The following CCDC33 variants were observed in gnomAD, a reference collection of about 807,000 sequenced individuals.
CCDC33 encodes coiled-coil domain containing 33.
Under a neutral mutation model 91.9 loss-of-function variants are expected in CCDC33, and 94 were observed. The ratio of observed to expected loss-of-function variants is 1.02; its 90% CI spans 0.87 to 1.21. CCDC33 has a LOEUF of 1.21. Ranked by LOEUF, CCDC33 falls within the 50% of genes most tolerant of loss-of-function variation. The pLI is 0.00. For synonymous variants in CCDC33, 396 were observed against 374.5 expected (o/e 1.06, Z -0.66); for missense variants, 940 against 935.5 (o/e 1.00, Z -0.06).
intron 1 of CCDC33, chr15:74,207,915 C>T: frequency 6.8e-7 from 1 of 1,480,024 alleles, no homozygotes; most frequent in Admixed American, 2.1e-5. Context: ...GTGCTCACGG[C>T]AGGAAGAGTA....
intron 1 of CCDC33, among the ~76,000 whole-genome samples, chr15:74,240,080 C>T (rs1381044741): frequency 6.6e-6 from 1 of 152,262 alleles, no homozygotes; most frequent in East Asian, 1.9e-4. Context: ...GGCCCCAAGC[C>T]TCCCTGGCCC....
chr15:74,256,600 C>T (rs1195427505), intron 2 of CCDC33, among the ~76,000 whole-genome samples: 1 of 152,128 alleles, frequency 6.6e-6, no homozygotes, highest in Non-Finnish European at 1.5e-5. Flanking sequence ...AAGAAGGTGG[C>T]TCCCAGGGCC....
chr15:74,270,446 A>AT (rs1329135914), intron 5 of CCDC33, among the ~76,000 whole-genome samples: 1 of 152,130 alleles, frequency 6.6e-6, no homozygotes, highest in Non-Finnish European at 1.5e-5. Flanking sequence ...GACACGGCAG[A>AT]GGGGCTTGTG....
chr15:74,207,662 C>T (rs1165907922), intron 1 of CCDC33: 6 of 1,520,700 alleles, frequency 3.9e-6, no homozygotes, highest in Admixed American at 2.0e-5. Flanking sequence ...GCAAGAGAGG[C>T]GTTCCAGGAG....
chr15:74,236,780 G>T, intron 1 of CCDC33, 40 bp downstream of exon 1: 1 of 1,606,170 alleles, frequency 6.2e-7, no homozygotes, highest in East Asian at 2.2e-5. Flanking sequence ...GCATGAATCC[G>T]TCCCTCCTTC....
At position 74,330,329 on chromosome 15, in the gene CCDC33, C is replaced by T. The variant is rs760046069; in HGVS notation, c.1431C>T (p.Gly477=). Residue 477 remains glycine (G), a synonymous_variant, in exon 12 of 19, where the codon GGC becomes GGT. Coordinates refer to ENST00000398814, the MANE Select transcript of CCDC33 (RefSeq NM_025055.5). ...AGCAGGAGGAGGAAGAGGGGCAGGG[C>T]AAAGCCAGTGAGGCCCAGAACACGG... The part of the protein sequence containing the change: ...LAQQEEEEGQ[G]KASEAQNTVS... The T allele has an allele frequency of 1.5e-4, 246 of 1,606,454 alleles. 1 individual carries two copies. The highest frequency in any genetic ancestry group is 1.3e-4 in the Non-Finnish European group (153 of 1,177,370).
intron 1 of CCDC33, chr15:74,217,639 C>T (rs1032114164): frequency 8.6e-7 from 1 of 1,156,634 alleles, no homozygotes; most frequent in Non-Finnish European, 1.1e-6. Context: ...CTGCCTGAGT[C>T]CCTTTCTGGG....
At chr15:74,275,261 C>T (rs919898055) in intron 7 of CCDC33, among the ~76,000 whole-genome samples, 2 of 152,234 alleles carry the variant, frequency 1.3e-5, no homozygotes, top group Non-Finnish European at 2.9e-5. Flanking sequence ...TGGTAAGCTG[C>T]TCCTTTCTCC....
upstream of CCDC33, among the ~76,000 whole-genome samples, chr15:74,232,992 C>T (rs1023579270): frequency 6.6e-6 from 1 of 152,234 alleles, no homozygotes; most frequent in Non-Finnish European, 1.5e-5. Context: ...CTGTTCCCGG[C>T]TTCCAGGCCC....
chr15:74,333,897 C>T lies in CCDC33; in HGVS notation c.1955C>T (p.Thr652Ile), dbSNP rs376819120. 1 of 1,613,510 alleles carries T rather than the reference C, an allele frequency of 6.2e-7. No individual in the cohort carries two copies. Residue 652 changes from threonine (T) to isoleucine (I), a missense_variant, in exon 17 of 19, where the codon ACT (threonine) becomes ATT (isoleucine). Thr to Ile is a moderately conservative substitution (Grantham distance 89, BLOSUM62 -1). Coordinates refer to ENST00000398814, the MANE Select transcript of CCDC33 (RefSeq NM_025055.5). ...TGCCCACAGGATCTCCTCTCTGGTA[C>T]TTCAGACAAGTTCAACCTCCTGGCC... ...QQALPDLLSG[T>I]SDKFNLLAKL...
chr15:74,274,971 G>A (rs1412635527), intron 7 of CCDC33, among the ~76,000 whole-genome samples: 1 of 152,270 alleles, frequency 6.6e-6, no homozygotes, highest in Admixed American at 6.5e-5. Context: ...GCAGGCTGCT[G>A]TGGTAAGGAG....
intron 11 of CCDC33, 131 bp from the exon 12 acceptor site, chr15:74,330,058 G>A (rs1375120702): frequency 5.7e-6 from 6 of 1,046,376 alleles, no homozygotes; most frequent in Non-Finnish European, 8.2e-6. Context: ...CTAAGACTTA[G>A]GGCCATGGCT....
chr15:74,243,586 A>G, intron 1 of CCDC33: 1 of 454,568 alleles, frequency 2.2e-6, no homozygotes, highest in South Asian at 1.6e-5. Flanking sequence ...AGGGTGACAG[A>G]GGGAGGCAGG....
Position 74,218,908 on chromosome 15 carries a change from C to A in CCDC33, c.675+47C>A. On this transcript the variant is annotated intron_variant, in intron 2 of 2. Transcript: ENST00000635913. This position sits in a 1 kb window ranked among gnomAD's most constrained non-coding sequence, Gnocchi z 4.8. ...GTTCAGGTTCTGGGCTCACCGGGTA[C>A]AAGACCCAGCCTCCGTGATAAGCCA... The A allele has an allele frequency of 8.4e-7, 1 of 1,197,460 alleles. No individual in the cohort carries two copies. The highest frequency in any genetic ancestry group is 5.8e-5 in the East Asian group (1 of 17,228). The allele number at this position is 1,197,460 out of a possible 1,614,324, so 74.2% of individuals were successfully genotyped here.
Position 74,316,467 on chromosome 15 carries a change from C to G in CCDC33, c.1291-13722C>G, listed in dbSNP as rs998004710. 6.6e-6 allele frequency among the ~76,000 whole-genome samples: 1 copy of G among 152,218 alleles called. No individual in the cohort carries two copies. The highest frequency in any genetic ancestry group is 6.5e-5 in the Admixed American group (1 of 15,280). ...GCCCGAGGATGGGAGCAGACTCAAT[C>G]GATTGGCGCACAGCAGGCAGGGGAG... On this transcript the variant is annotated intron_variant, in intron 11 of 18. Coordinates refer to ENST00000398814, the MANE Select transcript of CCDC33 (RefSeq NM_025055.5). The surrounding 1 kb of genome is among the most constrained non-coding windows in gnomAD (Gnocchi z 4.7).
chr15:74,252,995 G>T (rs1285673624), intron 2 of CCDC33, among the ~76,000 whole-genome samples: 1 of 152,186 alleles, frequency 6.6e-6, no homozygotes, highest in Non-Finnish European at 1.5e-5. Context: ...CTTTCCAGAT[G>T]TTCTCCCATC....
At chr15:74,208,977 G>A (rs751356427) in intron 1 of CCDC33, 40 of 1,003,566 alleles carry the variant, frequency 4.0e-5, no homozygotes, top group Non-Finnish European at 4.4e-5. Flanking sequence ...GTGTGGTCTC[G>A]GCAGTTGGCC....
chr15:74,207,685 C>A, intron 1 of CCDC33: 3 of 1,534,914 alleles, frequency 2.0e-6, no homozygotes, highest in Non-Finnish European at 2.6e-6. Context: ...GGGGGATGGC[C>A]ACTGTGCCCA....
intron 2 of CCDC33, among the ~76,000 whole-genome samples, chr15:74,226,880 C>G (rs1175071912): frequency 6.7e-6 from 1 of 149,726 alleles, no homozygotes; most frequent in East Asian, 1.9e-4. Flanking sequence ...TGGAGGTATT[C>G]GAGGGACAAG....
Sources: allele counts gnomAD v4.1 joint callset (sites outside exome capture counted in the v4.1 genomes callset), GRCh38; gene constraint gnomAD v4.1.1; non-coding constraint Gnocchi (gnomAD v3.1); transcripts MANE v1.5; gene names NCBI Gene and HGNC (gene_info 2026-07-23, HGNC 2026-07-21).